The following PALLD variants were observed in gnomAD, a reference collection of about 807,000 sequenced individuals.
PALLD encodes the protein palladin.
A neutral mutation model predicts 123.5 loss-of-function variants in PALLD; 61 were observed. The observed-to-expected ratio is 0.49, with a 90% CI of 0.40 to 0.61. The LOEUF (loss-of-function observed/expected upper bound fraction) is 0.61, where lower values mean the gene tolerates loss of function less well. PALLD is among the 20% of genes least tolerant of loss of function. The pLI is 0.00. For missense variants in PALLD, 1,273 were observed against 1,377.0 expected (o/e 0.92, Z 1.20); for synonymous variants, 465 against 496.4 (o/e 0.94, Z 0.84).
At chr4:168,713,801 A>G (rs956637476) in intron 10 of PALLD, among the ~76,000 whole-genome samples, 3 of 149,996 alleles carry the variant, frequency 2.0e-5, no homozygotes, top group Admixed American at 1.3e-4. Context: ...TAAGATGCAG[A>G]AAAAATGGAC....
chr4:168,556,632 C>A (rs1158887338), intron 2 of PALLD, among the ~76,000 whole-genome samples: 1 of 152,176 alleles, frequency 6.6e-6, no homozygotes, highest in African/African-American at 2.4e-5. Flanking sequence ...GGGACTCTTA[C>A]CCTGTGTTAT....
chr4:168,631,605 G>A (rs1187201694), intron 2 of PALLD: 2 of 985,404 alleles, frequency 2.0e-6, no homozygotes, highest in Admixed American at 6.1e-5. Flanking sequence ...GCCCCTCGGC[G>A]AGACGCGGCG....
chr4:168,508,738 G>A (rs566438246), intron 1 of PALLD, among the ~76,000 whole-genome samples: 1 of 151,918 alleles, frequency 6.6e-6, no homozygotes, highest in Non-Finnish European at 1.5e-5. Context: ...TGAAAATATA[G>A]TCTGTTGTGC....
At chr4:168,711,267 A>T (rs1031261406) in intron 9 of PALLD, among the ~76,000 whole-genome samples, 17 of 152,188 alleles carry the variant, frequency 1.1e-4, no homozygotes, top group African/African-American at 4.1e-4. Flanking sequence ...TTGTTGGTTG[A>T]TACTGTTTGT....
chr4:168,555,502 T>C (rs1170148292), intron 2 of PALLD, among the ~76,000 whole-genome samples: 1 of 152,220 alleles, frequency 6.6e-6, no homozygotes, highest in East Asian at 1.9e-4. Flanking sequence ...GAAAACTTGC[T>C]GCTCCCTGGG....
At chr4:168,523,213 A>G (rs59874394) in intron 2 of PALLD, among the ~76,000 whole-genome samples, 65,991 of 145,420 alleles carry the variant, frequency 0.45, 16,481 homozygotes, top group African/African-American at 0.68. Context: ...TGAGAACGAG[A>G]AGAAAGAGGA....
intron 10 of PALLD, among the ~76,000 whole-genome samples, chr4:168,723,140 ATGT>A: frequency 6.6e-6 from 1 of 152,308 alleles, no homozygotes; most frequent in East Asian, 1.9e-4. Flanking sequence ...TGAAGCCAGG[ATGT>A]TAGAAGGAAC....
At position 168,919,102 on chromosome 4, in the gene PALLD, A is replaced by G. The variant is rs184534417; in HGVS notation, c.2851-2432A>G. On this transcript the variant is annotated intron_variant, in intron 17 of 21. Coordinates refer to ENST00000505667, the MANE Select transcript of PALLD (RefSeq NM_001166108.2). The stretch of plus-strand genomic sequence containing the variant: ...ATTTTTAATCATATTTAAGAAAGAA[A>G]TAACAGTACTGTCTTTCACTGGACT... Among the ~76,000 whole-genome samples, 22 of 152,358 alleles carry G rather than the reference A, an allele frequency of 1.4e-4. No homozygotes were observed. The East Asian group carries it at 3.5e-3, about 24-fold the overall frequency.
chr4:168,767,894 A>G (rs1733901431), intron 10 of PALLD, among the ~76,000 whole-genome samples: 1 of 152,100 alleles, frequency 6.6e-6, no homozygotes. Context: ...ACCTCAGTCC[A>G]AGCCTGGCTT....
At chr4:168,749,393 T>A (rs1730732012) in intron 10 of PALLD, among the ~76,000 whole-genome samples, 1 of 141,142 alleles carries the variant, frequency 7.1e-6, no homozygotes, top group South Asian at 2.5e-4. Flanking sequence ...AGTGAGTGAC[T>A]TCCTATCACC....
At chr4:168,612,254 CA>C (rs5863950) in intron 2 of PALLD, among the ~76,000 whole-genome samples, 56,044 of 127,022 alleles carry the variant, frequency 0.44, 10,738 homozygotes, top group East Asian at 0.75. Context: ...TCTAGGTTTA[CA>C]AAAAAAAAAA....
chr4:168,700,670 T>C (rs912697470), intron 8 of PALLD: 1 of 152,142 alleles, frequency 6.6e-6, no homozygotes, highest in Non-Finnish European at 1.5e-5. Context: ...CACTCAGAGG[T>C]TATATTTCAG....
chr4:168,658,292 T>TC (rs1432193010), intron 2 of PALLD, among the ~76,000 whole-genome samples: 2 of 148,872 alleles, frequency 1.3e-5, no homozygotes, highest in Non-Finnish European at 3.0e-5. Flanking sequence ...TTGGTTTTTT[T>TC]TTTTTTTTTT....
At chr4:168,716,522 G>A (rs1785383256) in intron 10 of PALLD, among the ~76,000 whole-genome samples, 1 of 152,166 alleles carries the variant, frequency 6.6e-6, no homozygotes, top group Admixed American at 6.6e-5. Context: ...ATTTCAGGCT[G>A]AATCAACCTT....
chr4:168,694,391 T>C (rs1215527555), intron 8 of PALLD, among the ~76,000 whole-genome samples: 1 of 152,162 alleles, frequency 6.6e-6, no homozygotes, highest in Non-Finnish European at 1.5e-5. Context: ...CTTCCTACCC[T>C]CTTCCTTTCC....
intron 2 of PALLD, among the ~76,000 whole-genome samples, chr4:168,629,575 C>A (rs1775617347): frequency 6.6e-6 from 1 of 152,146 alleles, no homozygotes; most frequent in Admixed American, 6.5e-5. Flanking sequence ...GATTGTAATT[C>A]AGTAGTTCTG....
chr4:168,625,305 A>C (rs1021336763), intron 2 of PALLD, among the ~76,000 whole-genome samples: 1 of 151,980 alleles, frequency 6.6e-6, no homozygotes, highest in Non-Finnish European at 1.5e-5. Context: ...ATCTCAAAAC[A>C]GGGTAAAAGA....
intron 10 of PALLD, among the ~76,000 whole-genome samples, chr4:168,747,036 G>A (rs1001095171): frequency 1.3e-5 from 2 of 152,220 alleles, no homozygotes; most frequent in African/African-American, 4.8e-5. Context: ...AGACATTGGA[G>A]CTGAGATCTG....
chr4:168,710,563 C>A (rs1581095303), intron 9 of PALLD, among the ~76,000 whole-genome samples: 1 of 152,052 alleles, frequency 6.6e-6, no homozygotes, highest in African/African-American at 2.4e-5. Context: ...TATTTAGGGA[C>A]CTTAGAGTGG....
Sources: gnomAD v4.1 joint callset for allele counts (sites outside exome capture counted in the v4.1 genomes callset) on GRCh38, gnomAD v4.1.1 for gene constraint, MANE v1.5 for transcripts, NCBI Gene and HGNC (gene_info 2026-07-23, HGNC 2026-07-21) for gene names.